Variants in FOXP3 observed in about 807,000 individuals in gnomAD.
FOXP3 encodes the protein forkhead box protein P3.
Under a neutral mutation model 31.2 loss-of-function variants are expected in FOXP3, and 5 were observed. That is an observed-to-expected ratio of 0.16 (90% CI 0.08 to 0.34). The LOEUF is 0.34. Among genes scored for constraint, FOXP3 ranks in the 10% least tolerant of loss-of-function variants. The probability of loss-of-function intolerance (pLI) is 1.00; values close to 1 mark genes in which losing one functional copy is unlikely to be tolerated. For missense variants in FOXP3, 251 were observed against 363.0 expected, an observed-to-expected ratio of 0.69 and a Z score of 2.51; for synonymous variants, 141 against 148.8, an observed-to-expected ratio of 0.95 and a Z score of 0.38.
chrX:49,250,673 C>T lies in FOXP3; in HGVS notation c.*661G>A, dbSNP rs1160304931. 9 of 272,609 alleles carry T rather than the reference C, an allele frequency of 3.3e-5. No homozygotes were observed. Among genetic ancestry groups the T allele is most frequent in the South Asian group, 1.8e-4 (5 of 28,256 alleles). The allele number at this position is 272,609 out of a possible 1,213,427, so 22.5% of individuals were successfully genotyped here. A position where few individuals can be genotyped will look rare whatever the true frequency, so the allele number is the denominator to read the frequency against. ...CTGGGGGGCTGTGCGTGTGCATATGCGTGAGATACACAGGTGAATTCTAAC... is the reference window on the plus strand; with the variant it reads ...CTGGGGGGCTGTGCGTGTGCATATGTGTGAGATACACAGGTGAATTCTAAC... On this transcript the variant is annotated 3_prime_UTR_variant, in exon 12 of 12. Coordinates refer to ENST00000376207, the MANE Select transcript of FOXP3 (RefSeq NM_014009.4).
rs1005980708 is a variant in FOXP3, at chrX:49,256,354, A to G, written c.647+397T>C. 6.4e-5 allele frequency among the ~76,000 whole-genome samples: 7 copies of G among 109,032 alleles called. No homozygotes were observed. The Admixed American group carries it at 6.8e-4, about 11-fold the overall frequency. 94.7% of individuals were successfully genotyped at this position (109,032 alleles called of 115,157 possible). A position where few individuals can be genotyped will look rare whatever the true frequency, so the allele number is the denominator to read the frequency against. On this transcript the variant is annotated intron_variant, in intron 6 of 11. Coordinates refer to ENST00000376207, the MANE Select transcript of FOXP3 (RefSeq NM_014009.4). ...TTGGGAACAGTGGAATAAGGCTGGC[A>G]TGTTGGCATGAGGAGTAGCAGGGCA...
chrX:49,258,088 C>T (rs782062771), intron 2 of FOXP3, among the ~76,000 whole-genome samples: 4 of 111,724 alleles, frequency 3.6e-5, no homozygotes, highest in East Asian at 2.8e-4. Context: ...ATTGGGAGGT[C>T]GGGGAGAGCC....
At chrX:49,256,698 A>T in intron 6 of FOXP3, 53 bp downstream of exon 6, 1 of 1,044,604 alleles carries the variant, frequency 9.6e-7, no homozygotes, top group Non-Finnish European at 1.3e-6. Flanking sequence ...TGCACCCTAG[A>T]CCTCTCCCCA....
At chrX:49,254,187 A>G in intron 8 of FOXP3, 120 bp from the exon 9 acceptor site, 3 of 872,255 alleles carry the variant, frequency 3.4e-6, no homozygotes, top group East Asian at 6.9e-5. Flanking sequence ...GCTGGAGTGC[A>G]GTGGTGCAAT....
intron 8 of FOXP3, among the ~76,000 whole-genome samples, chrX:49,255,183 G>A (rs1557116093): frequency 8.9e-6 from 1 of 111,856 alleles, no homozygotes; most frequent in Non-Finnish European, 1.9e-5. Context: ...TCCTGACCTC[G>A]TGATCCACCC....
intron 6 of FOXP3, 102 bp from the exon 7 acceptor site, chrX:49,255,904 G>T: frequency 1.4e-6 from 1 of 703,621 alleles, no homozygotes; most frequent in Non-Finnish European, 2.2e-6. Flanking sequence ...TCTCTCCTCT[G>T]AGCCCCAGCT....
Position 49,257,461 on chromosome X carries a change from G to C in FOXP3, c.420C>G (p.Val140=), listed in dbSNP as rs1449694169. Residue 140 remains valine (V), a synonymous_variant, in exon 4 of 12, where the codon GTC becomes GTG. Coordinates refer to ENST00000376207, the MANE Select transcript of FOXP3 (RefSeq NM_014009.4). ...GGCCAGGCCGGGCCTTGAGGGAGAAGACCCCAGTGGCGGTGGTGGGTGGTG... is the reference window on the plus strand; with the variant it reads ...GGCCAGGCCGGGCCTTGAGGGAGAACACCCCAGTGGCGGTGGTGGGTGGTG... ...SLTPPTTATG[V]FSLKARPGLP... 3.5e-6 allele frequency: 4 copies of C among 1,142,932 alleles called. No individual in the cohort carries two copies. Among genetic ancestry groups the C allele is most frequent in the Non-Finnish European group, 3.5e-6 (3 of 861,558 alleles). 94.2% of individuals were successfully genotyped at this position (1,142,932 alleles called of 1,213,427 possible).
At chrX:49,260,596 G>A (rs1043972286) in intron 1 of FOXP3, among the ~76,000 whole-genome samples, 15 of 112,534 alleles carry the variant, frequency 1.3e-4, no homozygotes, top group Admixed American at 4.7e-4. Context: ...GAGATGATCT[G>A]TCTGGGGGTA....
chrX:49,259,598 C>G (rs781860064), intron 1 of FOXP3, among the ~76,000 whole-genome samples: 1 of 110,866 alleles, frequency 9.0e-6, no homozygotes, highest in South Asian at 3.8e-4. Flanking sequence ...TTCTATTGTC[C>G]TCACCTTGAA....
At chrX:49,257,856 G>A in intron 2 of FOXP3, 88 bp from the exon 3 acceptor site, 1 of 708,328 alleles carries the variant, frequency 1.4e-6, no homozygotes, top group East Asian at 3.5e-5. Context: ...AAGCCCACAT[G>A]GTAGATGCTA....
chrX:49,264,402 A>T (rs1349599887), intron 1 of FOXP3, among the ~76,000 whole-genome samples: 2 of 112,613 alleles, frequency 1.8e-5, no homozygotes, highest in African/African-American at 6.5e-5. Flanking sequence ...GGCAGCTGAC[A>T]TATTTTAAAA....
intron 1 of FOXP3, 80 bp downstream of exon 1, chrX:49,264,581 T>G (rs1557117573): frequency 1.6e-6 from 1 of 613,063 alleles, no homozygotes; most frequent in East Asian, 1.7e-4. Context: ...AGAGGGCCCC[T>G]GACCCCCCCG....
At chrX:49,256,655 A>T in intron 6 of FOXP3, 96 bp downstream of exon 6, 1 of 708,785 alleles carries the variant, frequency 1.4e-6, no homozygotes, top group Non-Finnish European at 2.3e-6. Context: ...CTTGCATCTT[A>T]CTACTTATTG....
intron 9 of FOXP3, 141 bp downstream of exon 9, chrX:49,253,776 T>C: frequency 1.3e-6 from 1 of 770,026 alleles, no homozygotes; most frequent in Admixed American, 2.7e-5. Flanking sequence ...AGCGGATGCA[T>C]TTTCCCAAAG....
At chrX:49,256,689 G>A in intron 6 of FOXP3, 62 bp downstream of exon 6, 1 of 975,423 alleles carries the variant, frequency 1.0e-6, no homozygotes, top group Non-Finnish European at 1.5e-6. Context: ...GCTGAGATCT[G>A]CACCCTAGAC....
chrX:49,259,962 G>A (rs1195980289), intron 1 of FOXP3, among the ~76,000 whole-genome samples: 6 of 111,671 alleles, frequency 5.4e-5, no homozygotes, highest in Non-Finnish European at 1.1e-4. Context: ...GGTTCTGGGG[G>A]AGCAGTTGCT....
At chrX:49,255,311 G>T in intron 8 of FOXP3, 118 bp downstream of exon 8, 1 of 655,959 alleles carries the variant, frequency 1.5e-6, no homozygotes, top group Non-Finnish European at 2.4e-6. Context: ...TGGAGCTGGG[G>T]ACAGGGGCCC....
In FOXP3 at chrX:49,257,123, C is replaced by G. The variant is rs933528905; in HGVS notation, c.455-111G>C. The G allele has an allele frequency of 1.2e-5, 8 of 685,197 alleles. No individual in the cohort carries two copies. In the African/African-American group the frequency reaches 1.7e-4, roughly 15 times the overall value. 56.5% of individuals were successfully genotyped at this position (685,197 alleles called of 1,213,427 possible). ...CCCTCCTGAGCCTCGAAAACCCTGA[C>G]TCCCAGGGGGCTCTGCTGTCCCCAA... is the stretch of plus-strand genomic sequence containing the variant. On this transcript the variant is annotated intron_variant, in intron 4 of 11. Coordinates refer to ENST00000376207, the MANE Select transcript of FOXP3 (RefSeq NM_014009.4).
chrX:49,261,724 G>T (rs2066111528), intron 1 of FOXP3, among the ~76,000 whole-genome samples: 1 of 112,295 alleles, frequency 8.9e-6, no homozygotes, highest in South Asian at 3.7e-4. Context: ...AGGCAGAAGG[G>T]GGAATGGTAG....
Sources: gnomAD v4.1 joint callset for allele counts (sites outside exome capture counted in the v4.1 genomes callset) on GRCh38, gnomAD v4.1.1 for gene constraint, MANE v1.5 for transcripts, NCBI Gene and HGNC (gene_info 2026-07-23, HGNC 2026-07-21) for gene names.